Variants in CAST observed in about 807,000 individuals in gnomAD.
CAST encodes MIR583 host.
CAST carries 76 observed loss-of-function variants against 119.6 expected under a neutral mutation model. That is an observed-to-expected ratio of 0.64 (90% CI 0.53 to 0.77). The LOEUF (loss-of-function observed/expected upper bound fraction) is 0.77. Ranked by LOEUF, CAST falls within the 30% of genes least tolerant of loss-of-function variation. CAST has a pLI of 0.00. For synonymous variants in CAST, 319 were observed against 331.6 expected (o/e 0.96, Z 0.41); for missense variants, 953 against 946.5 (o/e 1.01, Z -0.09).
chr5:96,151,137 A>G, the CAST span, among the ~76,000 whole-genome samples: 8 of 152,222 alleles, frequency 5.3e-5, no homozygotes, highest in African/African-American at 1.9e-4. Context: ...AAAACAGACT[A>G]TTTGTTTAAG....
the CAST span, among the ~76,000 whole-genome samples, chr5:96,343,658 G>A: frequency 6.6e-6 from 1 of 152,152 alleles, no homozygotes; most frequent in Non-Finnish European, 1.5e-5. Context: ...GAAATTGCCA[G>A]ATCCCTGCTG....
the CAST span, among the ~76,000 whole-genome samples, chr5:96,272,910 T>C: frequency 6.6e-6 from 1 of 152,162 alleles, no homozygotes; most frequent in Admixed American, 6.5e-5. Context: ...GAGAATGACT[T>C]TCTGCCAAGC....
At chr5:96,484,222 T>A in the CAST span, among the ~76,000 whole-genome samples, 1 of 152,130 alleles carries the variant, frequency 6.6e-6, no homozygotes, top group South Asian at 2.1e-4. Context: ...TACCCAAGGT[T>A]GCCATTACCA....
the CAST span, among the ~76,000 whole-genome samples, chr5:96,422,315 G>T: frequency 1.1e-4 from 17 of 152,240 alleles, no homozygotes; most frequent in African/African-American, 3.6e-4. Flanking sequence ...ACTTCCCTAA[G>T]GCCATAAAGC....
At chr5:96,666,394 A>C (rs1034695290) in intron 1 of CAST, among the ~76,000 whole-genome samples, 5 of 152,222 alleles carry the variant, frequency 3.3e-5, no homozygotes, top group Non-Finnish European at 7.3e-5. Flanking sequence ...TCATCAGTTG[A>C]TTCTATTAGA....
chr5:96,674,744 T>G (rs944016460), intron 1 of CAST, among the ~76,000 whole-genome samples: 3 of 152,188 alleles, frequency 2.0e-5, no homozygotes, highest in Non-Finnish European at 4.4e-5. Context: ...GTTGTTCTAT[T>G]GCACAGTAGG....
intron 1 of CAST, among the ~76,000 whole-genome samples, chr5:96,553,117 A>T (rs1746168412): frequency 6.6e-6 from 1 of 152,182 alleles, no homozygotes; most frequent in African/African-American, 2.4e-5. Flanking sequence ...AAAAAAGAGA[A>T]TTTTAGGCCA....
the CAST span, among the ~76,000 whole-genome samples, chr5:95,986,606 A>C: frequency 6.6e-6 from 1 of 152,142 alleles, no homozygotes; most frequent in Admixed American, 6.5e-5. Flanking sequence ...CTTCTTACTT[A>C]ATCACTTTCA....
intron 1 of CAST, among the ~76,000 whole-genome samples, chr5:96,609,474 A>T (rs1308940906): frequency 6.6e-6 from 1 of 152,216 alleles, no homozygotes; most frequent in Non-Finnish European, 1.5e-5. Flanking sequence ...CCAAATATTG[A>T]TCCAGTATGT....
the CAST span, chr5:96,421,993 T>TA: frequency 3.6e-3 from 1,286 of 357,796 alleles, 10 homozygotes; most frequent in Middle Eastern, 6.5e-3. Context: ...GTGGCAGCAT[T>TA]AAAAAAAAAA....
chr5:96,727,556 G>A (rs1759502856), intron 6 of CAST, 26 bp downstream of exon 6: 2 of 1,458,312 alleles, frequency 1.4e-6, no homozygotes, highest in Admixed American at 1.9e-5. Context: ...CTGTTAGTTA[G>A]TTATTTGGAT....
At chr5:96,458,067 T>C in the CAST span, among the ~76,000 whole-genome samples, 10 of 152,268 alleles carry the variant, frequency 6.6e-5, no homozygotes, top group African/African-American at 1.9e-4. Flanking sequence ...AGAGCAGAGA[T>C]TGGGAAACTA....
At chr5:95,961,482 C>T in the CAST span, 1 of 1,337,300 alleles carries the variant, frequency 7.5e-7, no homozygotes, top group Non-Finnish European at 9.6e-7. Context: ...CAGCTGCCAG[C>T]CACGGCTCCG....
At chr5:96,663,097 G>A in intron 1 of CAST, 1 of 702,330 alleles carries the variant, frequency 1.4e-6, no homozygotes, top group South Asian at 1.5e-5. Flanking sequence ...GCCCTCGCCG[G>A]CTCCCCCGCC....
the CAST span, among the ~76,000 whole-genome samples, chr5:96,219,241 A>G: frequency 6.6e-6 from 1 of 152,182 alleles, no homozygotes; most frequent in Admixed American, 6.6e-5. Flanking sequence ...TTAGCACATA[A>G]TCACACTCCT....
chr5:96,488,527 C>T, the CAST span, among the ~76,000 whole-genome samples: 2 of 152,184 alleles, frequency 1.3e-5, no homozygotes, highest in African/African-American at 4.8e-5. Flanking sequence ...CTTAACAAGG[C>T]ACATTGCCAA....
chr5:96,597,679 G>A (rs1307848594), intron 1 of CAST, among the ~76,000 whole-genome samples: 1 of 152,270 alleles, frequency 6.6e-6, no homozygotes, highest in South Asian at 2.1e-4. Flanking sequence ...CATATACTGA[G>A]TAGCACTTAA....
At chr5:96,286,955 C>A in the CAST span, among the ~76,000 whole-genome samples, 1 of 152,022 alleles carries the variant, frequency 6.6e-6, no homozygotes, top group Admixed American at 6.6e-5. Flanking sequence ...TTTTGTGAGT[C>A]CTAGTTTTAA....
chr5:96,611,287 A>C (rs1163500959), intron 1 of CAST, among the ~76,000 whole-genome samples: 1 of 152,204 alleles, frequency 6.6e-6, no homozygotes, highest in Non-Finnish European at 1.5e-5. Context: ...AGAATGCAGA[A>C]CCCAGAAACA....
Sources: gnomAD v4.1 joint callset for allele counts (sites outside exome capture counted in the v4.1 genomes callset) on GRCh38, gnomAD v4.1.1 for gene constraint, MANE v1.5 for transcripts, NCBI Gene and HGNC (gene_info 2026-07-23, HGNC 2026-07-21) for gene names.